TMEM26: variants seen among roughly 807,000 people sequenced by gnomAD.
TMEM26 encodes transmembrane protein 26.
In TMEM26, 38 loss-of-function variants were observed where a neutral mutation model predicts 28.8. That is an observed-to-expected ratio of 1.32 (90% confidence interval 1.02 to 1.73). TMEM26 has a LOEUF of 1.73. Among genes scored for constraint, TMEM26 ranks in the 40% most tolerant of loss-of-function variants. The pLI is 0.00. For missense variants in TMEM26, 518 were observed against 447.1 expected, an observed-to-expected ratio of 1.16 and a Z score of -1.43; for synonymous variants, 227 against 182.9, an observed-to-expected ratio of 1.24 and a Z score of -1.95.
intron 1 of TMEM26, among the ~76,000 whole-genome samples, chr10:61,445,969 A>G (rs1024243272): frequency 6.6e-6 from 1 of 152,128 alleles, no homozygotes; most frequent in Non-Finnish European, 1.5e-5. Flanking sequence ...GCCCATGCTA[A>G]TTTGTACTTT....
chr10:61,425,999 C>A (rs754705393), intron 4 of TMEM26, among the ~76,000 whole-genome samples: 1 of 151,986 alleles, frequency 6.6e-6, no homozygotes, highest in South Asian at 2.1e-4. Flanking sequence ...ATCCTCTTAG[C>A]AACATCATTC....
intron 1 of TMEM26, among the ~76,000 whole-genome samples, chr10:61,444,140 C>T (rs1318322677): frequency 6.6e-6 from 1 of 152,172 alleles, no homozygotes; most frequent in African/African-American, 2.4e-5. Flanking sequence ...TATCTTGATT[C>T]TGCAGGCTTT....
chr10:61,417,969 G>A (rs1829065532), intron 4 of TMEM26, among the ~76,000 whole-genome samples: 1 of 151,960 alleles, frequency 6.6e-6, no homozygotes, highest in South Asian at 2.1e-4. Flanking sequence ...AACAAATTGG[G>A]TAACATTTAT....
chr10:61,436,033 T>C (rs1840000077), intron 2 of TMEM26, 137 bp downstream of exon 2: 1 of 445,274 alleles, frequency 2.2e-6, no homozygotes, highest in Non-Finnish European at 3.9e-6. Context: ...CACTTCCTTT[T>C]GCTGATAGCC....
At chr10:61,446,709 C>T (rs1455557522) in intron 1 of TMEM26, among the ~76,000 whole-genome samples, 1 of 149,548 alleles carries the variant, frequency 6.7e-6, no homozygotes, top group Non-Finnish European at 1.5e-5. Flanking sequence ...GTCCCAGCTA[C>T]TCAGCAGGCC....
At chr10:61,448,329 G>C (rs988794775) in intron 1 of TMEM26, among the ~76,000 whole-genome samples, 2 of 152,242 alleles carry the variant, frequency 1.3e-5, no homozygotes, top group African/African-American at 4.8e-5. Context: ...AAGATTGGGA[G>C]CCTGGAGTCT....
At chr10:61,444,629 C>T (rs1305899627) in intron 1 of TMEM26, among the ~76,000 whole-genome samples, 5 of 146,638 alleles carry the variant, frequency 3.4e-5, no homozygotes, top group Non-Finnish European at 5.9e-5. Context: ...TTTAGCTGGT[C>T]ACTTGAGTTT....
intron 4 of TMEM26, among the ~76,000 whole-genome samples, chr10:61,422,014 A>G (rs1839757587): frequency 6.6e-6 from 1 of 152,142 alleles, no homozygotes; most frequent in Non-Finnish European, 1.5e-5. Flanking sequence ...TGGAGTGCCT[A>G]TATTTGTAGG....
At chr10:61,432,709 T>C (rs1000328281) in intron 2 of TMEM26, among the ~76,000 whole-genome samples, 2 of 152,166 alleles carry the variant, frequency 1.3e-5, no homozygotes, top group Admixed American at 6.6e-5. Flanking sequence ...TCTGGATACA[T>C]CGTCGACTAT....
chr10:61,423,667 G>A (rs2135301055), intron 4 of TMEM26, among the ~76,000 whole-genome samples: 1 of 152,240 alleles, frequency 6.6e-6, no homozygotes, highest in Non-Finnish European at 1.5e-5. Context: ...GAGTCCAGGA[G>A]GTCAGTGCAA....
At chr10:61,420,443 C>T (rs1187667860) in intron 4 of TMEM26, among the ~76,000 whole-genome samples, 1 of 151,878 alleles carries the variant, frequency 6.6e-6, no homozygotes, top group Non-Finnish European at 1.5e-5. Context: ...TATACATCGA[C>T]CCACACAGTT....
intron 4 of TMEM26, among the ~76,000 whole-genome samples, chr10:61,418,302 G>A (rs1839687438): frequency 6.6e-6 from 1 of 151,938 alleles, no homozygotes; most frequent in South Asian, 2.1e-4. Context: ...TTCAAAGTTA[G>A]GATCCTACCC....
rs761470984 is a variant in TMEM26 at position 61,412,863 on chromosome 10, C to T, written c.682+596G>A. ...CCTAGATTATTGCTAGTATAAAATG[C>T]CTGGGAAACAGATTACTTCTTGCAA... On this transcript the variant is annotated intron_variant, in intron 5 of 5. Transcript: ENST00000399298. 2.6e-5 allele frequency: 29 copies of T among 1,096,530 alleles called. No homozygotes were observed. In the South Asian group the frequency reaches 3.6e-4, roughly 14 times the overall value. The allele number at this position is 1,096,530 out of a possible 1,614,324, so 67.9% of individuals were successfully genotyped here. A position where few individuals can be genotyped will look rare whatever the true frequency, so the allele number is the denominator to read the frequency against.
At chr10:61,430,441 G>A (rs934467073) in intron 3 of TMEM26, among the ~76,000 whole-genome samples, 17 of 151,814 alleles carry the variant, frequency 1.1e-4, no homozygotes, top group African/African-American at 3.9e-4. Context: ...AATACATATG[G>A]TGGAGTTCCT....
At chr10:61,416,029 G>A (rs1245282513) in intron 4 of TMEM26, 1 of 438,842 alleles carries the variant, frequency 2.3e-6, no homozygotes, top group Non-Finnish European at 4.5e-6. Context: ...CATCACAATA[G>A]AGGAAAGTAG....
At chr10:61,416,065 G>C (rs1156551025) in intron 4 of TMEM26, 1 of 449,772 alleles carries the variant, frequency 2.2e-6, no homozygotes, top group South Asian at 1.6e-5. Context: ...CCTCAAAATA[G>C]AACAAGTTGC....
At chr10:61,421,781 G>A (rs1186858743) in intron 4 of TMEM26, among the ~76,000 whole-genome samples, 1 of 152,060 alleles carries the variant, frequency 6.6e-6, no homozygotes, top group Non-Finnish European at 1.5e-5. Flanking sequence ...GAGAGAAGAA[G>A]TTTCTGTTGT....
At chr10:61,451,481 T>A (rs762509900) in intron 1 of TMEM26, among the ~76,000 whole-genome samples, 22 of 152,190 alleles carry the variant, frequency 1.4e-4, no homozygotes, top group Non-Finnish European at 2.9e-4. Context: ...TTAAACCTAC[T>A]CAGTCAAAGT....
chr10:61,453,011 A>AC lies in TMEM26; in HGVS notation c.70dup (p.Val24GlyfsTer52). The AC allele has an allele frequency of 6.2e-7, 1 of 1,613,764 alleles. No homozygotes were observed. On this transcript the variant is annotated frameshift_variant, in exon 1 of 6. Transcript: ENST00000399298. LOFTEE classifies it high-confidence loss of function. ...CTTCTTCACCTCGGTCACTCGCCAG[A>AC]CCCCGACCAGCGAGTGCAGCAGGAA...
Sources: allele counts gnomAD v4.1 joint callset (sites outside exome capture counted in the v4.1 genomes callset), GRCh38; gene constraint gnomAD v4.1.1; transcripts MANE v1.5; gene names NCBI Gene and HGNC (gene_info 2026-07-23, HGNC 2026-07-21).